Variants in JARID2 observed in about 807,000 individuals in gnomAD.
JARID2 encodes protein Jumonji.
In JARID2, 21 loss-of-function variants were observed where a neutral mutation model predicts 125.6. The ratio of observed to expected loss-of-function variants is 0.17; its 90% confidence interval spans 0.12 to 0.24. The LOEUF (loss-of-function observed/expected upper bound fraction) is 0.24, where lower values mean the gene tolerates loss of function less well. Among genes scored for constraint, JARID2 ranks in the 10% least tolerant of loss-of-function variants. JARID2 has a pLI of 1.00. For missense variants in JARID2, 1,303 were observed against 1,639.6 expected (o/e 0.79, Z 3.55); for synonymous variants, 736 against 661.6 (o/e 1.11, Z -1.73).
chr6:15,272,622 C>G (rs904901838), intron 1 of JARID2, among the ~76,000 whole-genome samples: 2 of 152,192 alleles, frequency 1.3e-5, no homozygotes, highest in Non-Finnish European at 2.9e-5. Flanking sequence ...GTTGGACCCC[C>G]CTACCACTAC....
At chr6:15,400,573 T>A (rs954757887) in intron 2 of JARID2, among the ~76,000 whole-genome samples, 3 of 152,022 alleles carry the variant, frequency 2.0e-5, no homozygotes, top group Non-Finnish European at 4.4e-5. Flanking sequence ...TCCCCCCATA[T>A]GTCAGAAATT....
intron 1 of JARID2, among the ~76,000 whole-genome samples, chr6:15,364,142 A>T (rs573571703): frequency 1.3e-5 from 2 of 151,522 alleles, no homozygotes; most frequent in South Asian, 4.2e-4. Flanking sequence ...TCAACCAAAA[A>T]AGCCAGCGAG....
chr6:15,478,239 T>C (rs1230244112), intron 5 of JARID2, among the ~76,000 whole-genome samples: 1 of 152,188 alleles, frequency 6.6e-6, no homozygotes, highest in East Asian at 1.9e-4. Context: ...TCCCTCTTTT[T>C]AGCCTGGTGT....
intron 1 of JARID2, among the ~76,000 whole-genome samples, chr6:15,350,324 T>C (rs542497264): frequency 6.6e-6 from 1 of 152,286 alleles, no homozygotes; most frequent in South Asian, 2.1e-4. Flanking sequence ...ATGAAGGAAA[T>C]AAGCTGTGTT....
At chr6:15,303,580 A>C (rs533408355) in intron 1 of JARID2, among the ~76,000 whole-genome samples, 1 of 152,208 alleles carries the variant, frequency 6.6e-6, no homozygotes, top group Non-Finnish European at 1.5e-5. Flanking sequence ...ACTGTTTAAT[A>C]TGCTTCTCAC....
At chr6:15,421,096 G>A (rs1281318696) in intron 3 of JARID2, among the ~76,000 whole-genome samples, 2 of 152,048 alleles carry the variant, frequency 1.3e-5, no homozygotes, top group Non-Finnish European at 2.9e-5. Flanking sequence ...GCCTCCCCTT[G>A]TGTTTCTCAA....
At chr6:15,413,815 C>G (rs1766008850) in intron 3 of JARID2, among the ~76,000 whole-genome samples, 1 of 152,112 alleles carries the variant, frequency 6.6e-6, no homozygotes, top group South Asian at 2.1e-4. Flanking sequence ...TAGATAGTGA[C>G]ATTATTCCGT....
chr6:15,383,542 A>G (rs953503839), intron 2 of JARID2, among the ~76,000 whole-genome samples: 1 of 151,996 alleles, frequency 6.6e-6, no homozygotes, highest in Admixed American at 6.6e-5. Flanking sequence ...CTCTTAGTTT[A>G]TAGCAAAATC....
chr6:15,415,840 C>CCCTT (rs1766165157), intron 3 of JARID2, among the ~76,000 whole-genome samples: 1 of 118,282 alleles, frequency 8.5e-6, no homozygotes, highest in East Asian at 2.6e-4. Context: ...CCACCTCCCT[C>CCCTT]CCGGACGGGG....
intron 1 of JARID2, among the ~76,000 whole-genome samples, chr6:15,352,546 C>T (rs1763465901): frequency 6.6e-6 from 1 of 152,192 alleles, no homozygotes. Flanking sequence ...AAATGAAGCT[C>T]TGCATCTTGG....
At chr6:15,465,611 G>A (rs1768685087) in intron 4 of JARID2, among the ~76,000 whole-genome samples, 1 of 151,282 alleles carries the variant, frequency 6.6e-6, no homozygotes, top group African/African-American at 2.4e-5. Flanking sequence ...TGCAAGGAAT[G>A]TGATATTTGC....
chr6:15,502,700 C>G (rs1770801022), intron 8 of JARID2, among the ~76,000 whole-genome samples: 1 of 152,206 alleles, frequency 6.6e-6, no homozygotes, highest in Admixed American at 6.5e-5. Context: ...CATCTCATGT[C>G]CTTGCACACT....
rs1261061031 is a variant in JARID2 at position 15,318,138 on chromosome 6, A to AGGC, written c.46-55976_46-55974dup. Among the ~76,000 whole-genome samples, 4 of 152,128 alleles carry AGGC rather than the reference A, an allele frequency of 2.6e-5. No individual in the cohort carries two copies. In the East Asian group the frequency reaches 7.7e-4, roughly 29 times the overall value. ...GGCAGGAGAATCACTTGAAACCTGGAGGCGGAGGTTACAGTGAATCGAGAA... is the reference window on the plus strand; with the variant it reads ...GGCAGGAGAATCACTTGAAACCTGGAGGCGGCGGAGGTTACAGTGAATCGAGAA... On this transcript the variant is annotated intron_variant, in intron 1 of 17. Coordinates refer to ENST00000341776, the MANE Select transcript of JARID2 (RefSeq NM_004973.4).
At chr6:15,319,188 A>G (rs1258270613) in intron 1 of JARID2, among the ~76,000 whole-genome samples, 1 of 152,222 alleles carries the variant, frequency 6.6e-6, no homozygotes, top group Non-Finnish European at 1.5e-5. Context: ...GCTATAAGTT[A>G]TCAAAGATTC....
intron 1 of JARID2, among the ~76,000 whole-genome samples, chr6:15,260,976 C>T (rs1430917168): frequency 2.6e-5 from 4 of 152,118 alleles, no homozygotes; most frequent in African/African-American, 9.7e-5. Context: ...CTGAAATTGT[C>T]ATGTTATTTC....
intron 4 of JARID2, among the ~76,000 whole-genome samples, chr6:15,466,458 CT>C (rs1271066523): frequency 6.6e-6 from 1 of 152,208 alleles, no homozygotes; most frequent in Non-Finnish European, 1.5e-5. Flanking sequence ...ATCCCATCTC[CT>C]TTTAGAAGAG....
chr6:15,429,988 A>G (rs896165850), intron 3 of JARID2, among the ~76,000 whole-genome samples: 2 of 152,192 alleles, frequency 1.3e-5, no homozygotes, highest in East Asian at 3.9e-4. Flanking sequence ...CTGAATTGCT[A>G]GCAGCCCTCT....
At chr6:15,516,969 G>A (rs1303801579) in intron 16 of JARID2, among the ~76,000 whole-genome samples, 192 bp from the exon 17 acceptor site, 1 of 152,154 alleles carries the variant, frequency 6.6e-6, no homozygotes, top group Admixed American at 6.5e-5. Flanking sequence ...CAGGTGTTTG[G>A]TCAGTTTTCG....
chr6:15,247,098 C>G (rs1561743059), intron 1 of JARID2, among the ~76,000 whole-genome samples: 1 of 152,138 alleles, frequency 6.6e-6, no homozygotes, highest in Non-Finnish European at 1.5e-5. Flanking sequence ...TTTGGCTTAT[C>G]TGGTTTGCAA....
Sources: allele counts gnomAD v4.1 joint callset (sites outside exome capture counted in the v4.1 genomes callset), GRCh38; gene constraint gnomAD v4.1.1; transcripts MANE v1.5; gene names NCBI Gene and HGNC (gene_info 2026-07-23, HGNC 2026-07-21).